Variants in TSHR observed in about 807,000 individuals in gnomAD.
The protein encoded by TSHR is thyrotropin receptor.
TSHR carries 51 observed loss-of-function variants against 64.1 expected under a neutral mutation model. The ratio of observed to expected loss-of-function variants is 0.80; its 90% CI spans 0.64 to 1.01. The LOEUF (loss-of-function observed/expected upper bound fraction) is 1.01, where lower values mean the gene tolerates loss of function less well. Among genes scored for constraint, TSHR ranks in the 50% least tolerant of loss-of-function variants. The pLI, the probability that TSHR is intolerant of heterozygous loss-of-function variation, is 0.00. For missense variants in TSHR, 877 were observed against 942.8 expected (o/e 0.93, Z 0.91); for synonymous variants, 361 against 361.9 (o/e 1.00, Z 0.03).
chr14:81,142,128 T>C (rs1891714639), intron 9 of TSHR, among the ~76,000 whole-genome samples: 1 of 152,096 alleles, frequency 6.6e-6, no homozygotes. Flanking sequence ...CCACTCAGCC[T>C]GGAATGCAGT....
At chr14:80,990,367 C>T (rs1344607113) in intron 1 of TSHR, among the ~76,000 whole-genome samples, 3 of 152,204 alleles carry the variant, frequency 2.0e-5, no homozygotes, top group Non-Finnish European at 4.4e-5. Flanking sequence ...CATATCGTCT[C>T]ATATCTTTTT....
intron 7 of TSHR, among the ~76,000 whole-genome samples, chr14:81,097,439 C>T (rs1192362565): frequency 6.6e-6 from 1 of 152,134 alleles, no homozygotes; most frequent in Non-Finnish European, 1.5e-5. Flanking sequence ...TGGGGCTTCT[C>T]AAACCTTCCT....
At chr14:81,025,026 C>T (rs922171643) in intron 1 of TSHR, among the ~76,000 whole-genome samples, 3 of 152,186 alleles carry the variant, frequency 2.0e-5, no homozygotes, top group Non-Finnish European at 4.4e-5. Flanking sequence ...AACACCTGAG[C>T]TTAGCACAAA....
At chr14:81,083,471 A>T (rs1278305410) in intron 3 of TSHR, among the ~76,000 whole-genome samples, 1 of 105,514 alleles carries the variant, frequency 9.5e-6, no homozygotes, top group Non-Finnish European at 1.9e-5. Context: ...CCTCATTTAA[A>T]AAAAAAAAAA....
At chr14:81,026,911 C>T (rs944811003) in intron 1 of TSHR, among the ~76,000 whole-genome samples, 1 of 151,698 alleles carries the variant, frequency 6.6e-6, no homozygotes, top group Non-Finnish European at 1.5e-5. Flanking sequence ...TGGCGGGCAC[C>T]TATAATCCCA....
At chr14:81,066,133 T>G (rs1886594210) in intron 2 of TSHR, among the ~76,000 whole-genome samples, 1 of 152,084 alleles carries the variant, frequency 6.6e-6, no homozygotes, top group African/African-American at 2.4e-5. Context: ...CAAAAAGATG[T>G]CATTAGGTTG....
Position 81,144,354 on chromosome 14 carries a change from G to A in TSHR, c.*1G>A. On this transcript the variant is annotated 3_prime_UTR_variant, in exon 10 of 10. Transcript: ENST00000298171. ...AGAGTATATGCAAACGGTTTTGTAAGTTAACACTACACTACTCACAATGGT... is the reference window on the plus strand; with the variant it reads ...AGAGTATATGCAAACGGTTTTGTAAATTAACACTACACTACTCACAATGGT... 1.9e-6 allele frequency: 3 copies of A among 1,614,006 alleles called. No individual in the cohort carries two copies. The South Asian group carries it at 3.3e-5, about 18-fold the overall frequency.
At chr14:81,016,504 T>C (rs1186349918) in intron 1 of TSHR, among the ~76,000 whole-genome samples, 1 of 152,228 alleles carries the variant, frequency 6.6e-6, no homozygotes, top group African/African-American at 2.4e-5. Flanking sequence ...GAGTTTCTTA[T>C]ATATACTGGA....
chr14:81,093,219 A>C (rs1344742308), intron 6 of TSHR, among the ~76,000 whole-genome samples: 1 of 152,262 alleles, frequency 6.6e-6, no homozygotes, highest in African/African-American at 2.4e-5. Flanking sequence ...TTACATAGAA[A>C]GCATAGTGCT....
At chr14:81,001,811 C>T (rs556551253) in intron 1 of TSHR, 231 of 281,724 alleles carry the variant, frequency 8.2e-4, no homozygotes, top group African/African-American at 5.0e-3. Context: ...TCACAGATCA[C>T]CTCAGGCCAC....
chr14:80,966,007 T>C (rs1454942469), intron 1 of TSHR, among the ~76,000 whole-genome samples: 1 of 152,204 alleles, frequency 6.6e-6, no homozygotes, highest in Non-Finnish European at 1.5e-5. Flanking sequence ...AGAGCTTCCT[T>C]ATGTCCAAAT....
intron 1 of TSHR, among the ~76,000 whole-genome samples, chr14:81,058,734 T>C (rs1423104249): frequency 6.6e-6 from 1 of 152,220 alleles, no homozygotes; most frequent in Non-Finnish European, 1.5e-5. Context: ...AGAATACACA[T>C]GTAGATGTGT....
chr14:81,142,127 C>T (rs1370201307), intron 9 of TSHR, among the ~76,000 whole-genome samples: 1 of 152,128 alleles, frequency 6.6e-6, no homozygotes, highest in Non-Finnish European at 1.5e-5. Context: ...GCCACTCAGC[C>T]TGGAATGCAG....
chr14:81,096,879 C>T (rs1481467059), intron 7 of TSHR, among the ~76,000 whole-genome samples, 172 bp downstream of exon 7: 1 of 151,622 alleles, frequency 6.6e-6, no homozygotes, highest in African/African-American at 2.4e-5. Flanking sequence ...CTTTAGTGGG[C>T]GCTTACGTTA....
At chr14:81,028,581 G>A (rs943078583) in intron 1 of TSHR, among the ~76,000 whole-genome samples, 1 of 152,058 alleles carries the variant, frequency 6.6e-6, no homozygotes, top group Non-Finnish European at 1.5e-5. Context: ...AACCATCTTA[G>A]TTCCTCTAAT....
chr14:81,003,126 T>G (rs1315635517), intron 1 of TSHR, among the ~76,000 whole-genome samples: 3 of 152,154 alleles, frequency 2.0e-5, no homozygotes, highest in Non-Finnish European at 1.5e-5. Context: ...GCTGTTTAGT[T>G]TCTTTTGTGC....
rs375265817 is a variant in TSHR, at chr14:81,092,701, T to G, written c.545+93T>G. The G allele has an allele frequency of 9.2e-6, 10 of 1,085,640 alleles. No homozygotes were observed. In the African/African-American group the frequency reaches 9.4e-5, roughly 10 times the overall value. 67.3% of individuals were successfully genotyped at this position (1,085,640 alleles called of 1,614,324 possible). On this transcript the variant is annotated intron_variant, in intron 6 of 9. Coordinates refer to ENST00000298171, the MANE Select transcript of TSHR (RefSeq NM_000369.5). ...AGACCATCCAAGAGCCATACTGCCTTATCATATATACTCTATAGAGTACAA... is the reference window on the plus strand; with the variant it reads ...AGACCATCCAAGAGCCATACTGCCTGATCATATATACTCTATAGAGTACAA...
rs780586922 is a variant in TSHR, at chr14:81,068,211, C to G, written c.243-43C>G. 4.4e-6 allele frequency: 7 copies of G among 1,587,718 alleles called. No individual in the cohort carries two copies. The East Asian group carries it at 1.6e-4, about 36-fold the overall frequency. ...AAATAGTATGTTTGAAGTTTACAAC[C>G]TTACTAACTTTCTACTTTGTCTTAT... On this transcript the variant is annotated intron_variant, in intron 2 of 9. Coordinates refer to ENST00000298171, the MANE Select transcript of TSHR (RefSeq NM_000369.5).
At chr14:81,051,668 G>A (rs944236571) in intron 1 of TSHR, 3 of 152,038 alleles carry the variant, frequency 2.0e-5, no homozygotes, top group African/African-American at 7.2e-5. Flanking sequence ...GTGTGTGATG[G>A]TTCCCTTTTC....
Sources: allele counts gnomAD v4.1 joint callset (sites outside exome capture counted in the v4.1 genomes callset), GRCh38; gene constraint gnomAD v4.1.1; transcripts MANE v1.5; gene names NCBI Gene and HGNC (gene_info 2026-07-23, HGNC 2026-07-21).